The following RHCG variants were observed in gnomAD, a reference collection of about 807,000 sequenced individuals.
The protein encoded by RHCG is Rh family C glycoprotein, also known as ammonium transporter Rh type C.
A neutral mutation model predicts 55.3 loss-of-function variants in RHCG; 39 were observed. That is an observed-to-expected ratio of 0.70 (90% confidence interval 0.55 to 0.92). The LOEUF (loss-of-function observed/expected upper bound fraction) is 0.92. Ranked by LOEUF, RHCG falls within the 40% of genes least tolerant of loss-of-function variation. RHCG has a pLI of 0.00. For missense variants in RHCG, 635 were observed against 627.9 expected (o/e 1.01, Z -0.12); for synonymous variants, 250 against 246.8 (o/e 1.01, Z -0.12).
intron 1 of RHCG, among the ~76,000 whole-genome samples, chr15:89,491,339 C>G (rs538595336): frequency 2.0e-5 from 3 of 152,332 alleles, no homozygotes; most frequent in African/African-American, 7.2e-5. Context: ...CACAGACACC[C>G]ACTTCCTTCT....
At chr15:89,474,677 G>T (rs1961098213) in intron 9 of RHCG, among the ~76,000 whole-genome samples, 1 of 152,232 alleles carries the variant, frequency 6.6e-6, no homozygotes, top group Non-Finnish European at 1.5e-5. Flanking sequence ...TGCTGAAAGG[G>T]GTGGGATGCT....
chr15:89,482,978 G>A, intron 3 of RHCG, 89 bp downstream of exon 3: 1 of 1,300,770 alleles, frequency 7.7e-7, no homozygotes, highest in South Asian at 2.0e-5. Flanking sequence ...TCGCCAGGCT[G>A]GCATGTCTCC....
intron 1 of RHCG, among the ~76,000 whole-genome samples, chr15:89,490,843 G>C (rs577389631): frequency 6.6e-6 from 1 of 152,224 alleles, no homozygotes; most frequent in Admixed American, 6.5e-5. Context: ...CTGGCTGTGG[G>C]GGCTTGGAGC....
At position 89,479,643 on chromosome 15, in the gene RHCG, G is replaced by C. The variant is rs551750824; in HGVS notation, c.671-155C>G. The C allele has an allele frequency of 9.8e-5, 67 of 681,926 alleles. No homozygotes were observed. In the South Asian group the frequency reaches 1.3e-3, roughly 13 times the overall value. 42.2% of individuals were successfully genotyped at this position (681,926 alleles called of 1,614,324 possible). The stretch of plus-strand genomic sequence containing the variant: ...TTTAGTCATGCAGGGGCTCTTCCTG[G>C]AAGGCCCTCCCTGCCTTCCTTACCC... On this transcript the variant is annotated intron_variant, in intron 4 of 10. Transcript: ENST00000268122.
intron 8 of RHCG, 27 bp from the exon 9 acceptor site, chr15:89,476,855 G>A (rs759959154): frequency 6.9e-6 from 11 of 1,595,146 alleles, no homozygotes; most frequent in Non-Finnish European, 8.6e-6. Flanking sequence ...ATTACAGGAT[G>A]TCAGGAAGTG....
chr15:89,478,071 G>A, intron 5 of RHCG, 97 bp from the exon 6 acceptor site: 2 of 1,465,512 alleles, frequency 1.4e-6, no homozygotes, highest in Non-Finnish European at 1.8e-6. Context: ...GGTGCAGCCT[G>A]GCTCCTGGGA....
At chr15:89,487,596 A>G (rs1398656315) in intron 1 of RHCG, among the ~76,000 whole-genome samples, 2 of 152,164 alleles carry the variant, frequency 1.3e-5, no homozygotes, top group Non-Finnish European at 2.9e-5. Flanking sequence ...CACTGACTCC[A>G]GCAGATACAC....
At position 89,496,368 on chromosome 15, in the gene RHCG, G is replaced by GCC. The variant is rs1961566292; in HGVS notation, c.176_177insGG (p.Tyr60AlafsTer10). The GCC allele has an allele frequency of 1.9e-6, 3 of 1,613,760 alleles. No homozygotes were observed. The highest frequency in any genetic ancestry group is 1.3e-5 in the African/African-American group (1 of 74,920). On this transcript the variant is annotated frameshift_variant, in exon 1 of 11. Transcript: ENST00000268122. LOFTEE classifies it high-confidence loss of function. The stretch of plus-strand genomic sequence containing the variant: ...GCAGGCGGCGAGACTTACTTGGGTA[G>GCC]CGATAGTAGAATTCGTTCTCCATGT...
intron 10 of RHCG, 23 bp downstream of exon 10, chr15:89,472,688 C>A: frequency 6.3e-7 from 1 of 1,597,720 alleles, no homozygotes; most frequent in Non-Finnish European, 8.5e-7. Flanking sequence ...CCCTGTCATC[C>A]CCCAAGCCAA....
rs932162529 is a variant in RHCG at position 89,493,385 on chromosome 15, C to A, written c.184+2976G>T. ...GCATCACGGGCCTCCGAGGGCACTG[C>A]CAACGTGAGTCCCCAGCTGGCTCCA... On this transcript the variant is annotated intron_variant, in intron 1 of 10. Transcript: ENST00000268122. 4.6e-5 allele frequency among the ~76,000 whole-genome samples: 7 copies of A among 152,348 alleles called. No individual in the cohort carries two copies. The East Asian group carries it at 1.4e-3, about 29-fold the overall frequency.
chr15:89,477,766 C>G lies in RHCG; in HGVS notation c.975+71G>C. On this transcript the variant is annotated intron_variant, in intron 6 of 10. Transcript: ENST00000268122. This position sits in a 1 kb window ranked among gnomAD's most constrained non-coding sequence, Gnocchi z 4.5. ...GCCCTCAGCCCCCTCCCTAGGAACCCTCAGCTCACTGTCAGGAACACAAAG... is the reference window on the plus strand; with the variant it reads ...GCCCTCAGCCCCCTCCCTAGGAACCGTCAGCTCACTGTCAGGAACACAAAG... The G allele has an allele frequency of 6.2e-7, 1 of 1,606,582 alleles. No individual in the cohort carries two copies. The highest frequency in any genetic ancestry group is 8.5e-7 in the Non-Finnish European group (1 of 1,174,834).
Position 89,477,703 on chromosome 15 carries a change from G to A in RHCG, c.976-50C>T. 1.9e-6 allele frequency: 3 copies of A among 1,608,634 alleles called. No individual in the cohort carries two copies. The highest frequency in any genetic ancestry group is 1.3e-5 in the African/African-American group (1 of 74,904). ...TCAGGCCGGGGGCTGCATCAAGGGTGTGGGGAGGCCGGGATTCCAGAGACC... is the reference window on the plus strand; with the variant it reads ...TCAGGCCGGGGGCTGCATCAAGGGTATGGGGAGGCCGGGATTCCAGAGACC... On this transcript the variant is annotated intron_variant, in intron 6 of 10. Coordinates refer to ENST00000268122, the MANE Select transcript of RHCG (RefSeq NM_016321.3). This position sits in a 1 kb window ranked among gnomAD's most constrained non-coding sequence, Gnocchi z 4.5.
At chr15:89,493,860 A>G (rs1396926304) in intron 1 of RHCG, among the ~76,000 whole-genome samples, 4 of 152,124 alleles carry the variant, frequency 2.6e-5, no homozygotes, top group Non-Finnish European at 5.9e-5. Context: ...CCTCATCTGT[A>G]GAATGGGGGT....
intron 3 of RHCG, among the ~76,000 whole-genome samples, chr15:89,482,712 A>G (rs1961289259): frequency 6.6e-6 from 1 of 152,232 alleles, no homozygotes; most frequent in Non-Finnish European, 1.5e-5. Flanking sequence ...TGCCCCTTCA[A>G]TACACCGGAT....
At chr15:89,478,538 C>A (rs1381655242) in intron 5 of RHCG, among the ~76,000 whole-genome samples, 2 of 152,134 alleles carry the variant, frequency 1.3e-5, no homozygotes, top group African/African-American at 4.8e-5. Context: ...ATGACTTGTC[C>A]AAGACCACAG....
intron 1 of RHCG, 128 bp from the exon 2 acceptor site, chr15:89,487,113 A>C: frequency 4.8e-6 from 4 of 830,236 alleles, no homozygotes; most frequent in Non-Finnish European, 5.3e-6. Context: ...CTGCTCCACC[A>C]TCCTAACCCG....
At chr15:89,491,050 G>T (rs1250033237) in intron 1 of RHCG, among the ~76,000 whole-genome samples, 1 of 152,138 alleles carries the variant, frequency 6.6e-6, no homozygotes, top group East Asian at 1.9e-4. Flanking sequence ...CGATGAGAAG[G>T]GTGTCAGTTG....
At chr15:89,476,624 A>T (rs1961154159) in intron 9 of RHCG, 131 bp downstream of exon 9, 1 of 713,694 alleles carries the variant, frequency 1.4e-6, no homozygotes, top group South Asian at 1.6e-5. Flanking sequence ...CCCGATGAAG[A>T]AGTAGGGTAA....
intron 5 of RHCG, 53 bp from the exon 6 acceptor site, chr15:89,478,027 G>C: frequency 6.5e-7 from 1 of 1,548,406 alleles, no homozygotes; most frequent in South Asian, 1.2e-5. Context: ...CTGGAGCACC[G>C]GGCCTGGAGG....
Sources: allele counts gnomAD v4.1 joint callset (sites outside exome capture counted in the v4.1 genomes callset), GRCh38; gene constraint gnomAD v4.1.1; non-coding constraint Gnocchi (gnomAD v3.1); transcripts MANE v1.5; gene names NCBI Gene and HGNC (gene_info 2026-07-23, HGNC 2026-07-21).